Variants in SLC4A4 observed in about 807,000 individuals in gnomAD.
SLC4A4 encodes the protein electrogenic sodium bicarbonate cotransporter 1.
In SLC4A4, 27 loss-of-function variants were observed where a neutral mutation model predicts 111.5. The observed-to-expected ratio is 0.24, with a 90% CI of 0.18 to 0.33. The LOEUF is 0.33. Among genes scored for constraint, SLC4A4 ranks in the 10% least tolerant of loss-of-function variants. SLC4A4 has a pLI of 1.00. For missense variants in SLC4A4, 909 were observed against 1,315.5 expected (o/e 0.69, Z 4.78); for synonymous variants, 443 against 463.4 (o/e 0.96, Z 0.57).
rs571173878 is a variant in SLC4A4, at chr4:71,275,781, G to A, written c.253+20382G>A. ...ACATTTCCTTCCTATATTGGGCTGCGGCTTCCTAGTTCTTACATAATAACT... is the reference window on the plus strand; with the variant it reads ...ACATTTCCTTCCTATATTGGGCTGCAGCTTCCTAGTTCTTACATAATAACT... On this transcript the variant is annotated intron_variant, in intron 3 of 25. Transcript: ENST00000264485. Among the ~76,000 whole-genome samples, 20 of 152,304 alleles carry A rather than the reference G, an allele frequency of 1.3e-4. 1 individual carries two copies. In the South Asian group the frequency reaches 3.9e-3, roughly 30 times the overall value.
chr4:71,568,041 A>G lies in SLC4A4; in HGVS notation c.*290A>G, dbSNP rs1381403315. ...CTCTCTCTGCTTCTCTCTTGCATAG[A>G]CACAATCAAGACAATAGTGCACCGT... On this transcript the variant is annotated 3_prime_UTR_variant, in exon 26 of 26. Transcript: ENST00000264485. 1 of 608,104 alleles carries G rather than the reference A, an allele frequency of 1.6e-6. No individual in the cohort carries two copies. The highest frequency in any genetic ancestry group is 3.0e-6 in the Non-Finnish European group (1 of 338,820). 37.7% of individuals were successfully genotyped at this position (608,104 alleles called of 1,614,324 possible).
At chr4:71,071,617 T>C (rs986292261) in intron 1 of SLC4A4, among the ~76,000 whole-genome samples, 16 of 152,328 alleles carry the variant, frequency 1.1e-4, no homozygotes, top group African/African-American at 3.4e-4. Flanking sequence ...TCTTAAGTTA[T>C]CCTTCCAGAG....
At chr4:71,465,353 G>A (rs909930693) in intron 12 of SLC4A4, among the ~76,000 whole-genome samples, 1 of 151,504 alleles carries the variant, frequency 6.6e-6, no homozygotes, top group African/African-American at 2.4e-5. Flanking sequence ...CAGATTTATA[G>A]CTTCATGTAT....
chr4:71,415,861 T>C (rs1721780543), intron 7 of SLC4A4, among the ~76,000 whole-genome samples: 1 of 152,204 alleles, frequency 6.6e-6, no homozygotes, highest in Non-Finnish European at 1.5e-5. Context: ...ATTTAACATA[T>C]TTATTGAGGG....
At chr4:71,315,752 G>T (rs1319168883) in intron 3 of SLC4A4, among the ~76,000 whole-genome samples, 1 of 152,166 alleles carries the variant, frequency 6.6e-6, no homozygotes, top group Non-Finnish European at 1.5e-5. Flanking sequence ...CTGGGTGGAT[G>T]CCTTAGTTAT....
rs564336818 is a variant in SLC4A4 at position 71,094,425 on chromosome 4, A to C, written c.-2+1633A>C. On this transcript the variant is annotated intron_variant, in intron 2 of 26. Transcript: ENST00000649996. ...GTGTGTCTATTTTTGGCATTACATT[A>C]TAAATAGGCCTCCTGCTTATTGTGA... Among the ~76,000 whole-genome samples, 26 of 143,220 alleles carry C rather than the reference A, an allele frequency of 1.8e-4. No individual in the cohort carries two copies. The East Asian group carries it at 5.2e-3, about 29-fold the overall frequency. The allele number at this position is 143,220 out of a possible 152,430, so 94.0% of individuals were successfully genotyped here.
rs563864173 is a variant in SLC4A4, at chr4:71,194,242, T to C, written c.-2+6841T>C. On this transcript the variant is annotated intron_variant, in intron 1 of 25. Transcript: ENST00000264485. ...TCACAGAGGAGTTATGAGGAACAGATAAAGTGATCTTTATGAAATCTTGTT... is the reference window on the plus strand; with the variant it reads ...TCACAGAGGAGTTATGAGGAACAGACAAAGTGATCTTTATGAAATCTTGTT... Among the ~76,000 whole-genome samples the C allele has an allele frequency of 3.1e-3, 470 of 152,332 alleles. 2 individuals carry two copies. The highest frequency in any genetic ancestry group is 0.011 in the African/African-American group (443 of 41,580).
intron 1 of SLC4A4, among the ~76,000 whole-genome samples, chr4:71,227,028 GTGA>G (rs1378471427): frequency 6.6e-6 from 1 of 152,118 alleles, no homozygotes; most frequent in African/African-American, 2.4e-5. Flanking sequence ...GTACAGTTGA[GTGA>G]TGATAAGTTA....
At chr4:71,072,561 T>C (rs1054143213) in intron 1 of SLC4A4, among the ~76,000 whole-genome samples, 11 of 129,516 alleles carry the variant, frequency 8.5e-5, no homozygotes, top group Non-Finnish European at 1.2e-4. Context: ...GCCTTATGGC[T>C]TTTTTTTTCC....
At chr4:71,412,615 A>G (rs2149003243) in intron 7 of SLC4A4, among the ~76,000 whole-genome samples, 1 of 152,336 alleles carries the variant, frequency 6.6e-6, no homozygotes, top group Middle Eastern at 3.4e-3. Context: ...GACTACAGAA[A>G]GAAACAGCAA....
intron 3 of SLC4A4, among the ~76,000 whole-genome samples, chr4:71,286,331 C>T (rs1026838991): frequency 1.3e-5 from 2 of 152,166 alleles, no homozygotes; most frequent in Non-Finnish European, 2.9e-5. Context: ...AAAAGCACTC[C>T]ATGTGGATTC....
intron 1 of SLC4A4, among the ~76,000 whole-genome samples, chr4:71,078,282 A>AT (rs1022549180): frequency 4.6e-5 from 7 of 151,676 alleles, no homozygotes; most frequent in African/African-American, 7.3e-5. Flanking sequence ...TAGATGACAG[A>AT]TTTTTTTTTC....
chr4:71,090,435 T>C (rs561904291), intron 1 of SLC4A4, among the ~76,000 whole-genome samples: 2 of 152,322 alleles, frequency 1.3e-5, no homozygotes, highest in Middle Eastern at 3.4e-3. Context: ...CCCAGTGAGA[T>C]GAACCTGGTA....
intron 4 of SLC4A4, among the ~76,000 whole-genome samples, chr4:71,345,603 G>A (rs1234799178): frequency 6.6e-6 from 1 of 151,982 alleles, no homozygotes; most frequent in African/African-American, 2.4e-5. Context: ...TTGTGTTTCT[G>A]CTTGGCAGAT....
At chr4:71,117,471 GA>G (rs1743299649) in intron 2 of SLC4A4, among the ~76,000 whole-genome samples, 1 of 151,902 alleles carries the variant, frequency 6.6e-6, no homozygotes, top group South Asian at 2.1e-4. Flanking sequence ...AATTCTGAAA[GA>G]AAAAAAGAAA....
chr4:71,366,027 A>G (rs1731262403), intron 6 of SLC4A4, among the ~76,000 whole-genome samples: 1 of 151,428 alleles, frequency 6.6e-6, no homozygotes, highest in South Asian at 2.1e-4. Flanking sequence ...AGGCCATTCT[A>G]CATCTAAGCA....
intron 3 of SLC4A4, among the ~76,000 whole-genome samples, chr4:71,288,842 C>T (rs1451821461): frequency 1.3e-5 from 2 of 152,186 alleles, no homozygotes; most frequent in African/African-American, 2.4e-5. Flanking sequence ...TGTGGTATTT[C>T]TCTCATTCCA....
At chr4:71,149,870 A>G (rs1436522766) in intron 2 of SLC4A4, among the ~76,000 whole-genome samples, 1 of 152,202 alleles carries the variant, frequency 6.6e-6, no homozygotes, top group African/African-American at 2.4e-5. Context: ...TGATTCATCA[A>G]ATGGAGCCCC....
chr4:71,238,146 T>A (rs963342372), intron 2 of SLC4A4, among the ~76,000 whole-genome samples: 1 of 152,146 alleles, frequency 6.6e-6, no homozygotes, highest in Non-Finnish European at 1.5e-5. Context: ...TTTAAGACAA[T>A]TGAAGTAGAA....
Sources: gnomAD v4.1 joint callset for allele counts (sites outside exome capture counted in the v4.1 genomes callset) on GRCh38, gnomAD v4.1.1 for gene constraint, MANE v1.5 for transcripts, NCBI Gene and HGNC (gene_info 2026-07-23, HGNC 2026-07-21) for gene names.